LCAT: variants seen among roughly 807,000 people sequenced by gnomAD.
LCAT encodes lecithin-cholesterol acyltransferase.
A neutral mutation model predicts 41.0 loss-of-function variants in LCAT; 15 were observed. The ratio of observed to expected loss-of-function variants is 0.37; its 90% CI spans 0.24 to 0.56. The LOEUF (loss-of-function observed/expected upper bound fraction) is 0.56, where lower values mean the gene tolerates loss of function less well. LCAT is among the 20% of genes least tolerant of loss of function. The pLI is 0.81. For missense variants in LCAT, 449 were observed against 595.1 expected, an observed-to-expected ratio of 0.75 and a Z score of 2.55; for synonymous variants, 248 against 245.4, an observed-to-expected ratio of 1.01 and a Z score of -0.10.
At position 67,942,161 on chromosome 16, in the gene LCAT, C is replaced by T. The variant is rs747889490; in HGVS notation, c.748+202G>A. 2.2e-6 allele frequency: 3 copies of T among 1,366,774 alleles called. No individual in the cohort carries two copies. The highest frequency in any genetic ancestry group is 3.0e-6 in the Non-Finnish European group (3 of 1,015,476). 84.7% of individuals were successfully genotyped at this position (1,366,774 alleles called of 1,614,324 possible). ...TGTGTTCACTGCCCCTTTGCCATCACTGACACAGACTCTGGAAGGAGCCAC... is the reference window on the plus strand; with the variant it reads ...TGTGTTCACTGCCCCTTTGCCATCATTGACACAGACTCTGGAAGGAGCCAC... On this transcript the variant is annotated intron_variant, in intron 5 of 5. Transcript: ENST00000264005. This position sits in a 1 kb window ranked among gnomAD's most constrained non-coding sequence, Gnocchi z 6.6.
Position 67,940,002 on chromosome 16 carries a change from G to A in LCAT, c.1225C>T (p.Leu409=). The A allele has an allele frequency of 6.2e-7, 1 of 1,613,714 alleles. No individual in the cohort carries two copies. The highest frequency in any genetic ancestry group is 8.5e-7 in the Non-Finnish European group (1 of 1,180,032). Residue 409 remains leucine (L), a synonymous_variant, in exon 6 of 6, where the codon CTG becomes TTG. Transcript: ENST00000264005. The part of the protein sequence containing the change: ...IQHLNMVFSN[L]TLEHINAILL... ...ATGGCATTGATGTGCTCCAGGGTCA[G>A]GTTGCTGAAGACCATGTTGAGATGC...
Position 67,942,787 on chromosome 16 carries a change from C to G in LCAT, c.428-21G>C, listed in dbSNP as rs768345191. On this transcript the variant is annotated intron_variant, in intron 3 of 5. Transcript: ENST00000264005. This position sits in a 1 kb window ranked among gnomAD's most constrained non-coding sequence, Gnocchi z 6.6. ...GTACCCTGTGGGGGGACCAGCAGCA[C>G]CGGGGGCTTGGGCCATGCCTGCTGT... The G allele has an allele frequency of 1.2e-6, 2 of 1,612,816 alleles. No individual in the cohort carries two copies. Among genetic ancestry groups the G allele is most frequent in the Non-Finnish European group, 1.7e-6 (2 of 1,179,780 alleles).
At chr16:67,940,595 G>C (rs1303513102) in intron 5 of LCAT, 117 bp from the exon 6 acceptor site, 2 of 1,501,578 alleles carry the variant, frequency 1.3e-6, no homozygotes, top group Non-Finnish European at 1.8e-6. Context: ...TCTAGACACA[G>C]ACTCTAAGCC....
chr16:67,940,474 G>A lies in LCAT; in HGVS notation c.753C>T (p.Asp251=), dbSNP rs760682057. The change falls in exon 6 of 6, where the codon GAC becomes GAT. Residue 251 remains aspartate (D), a synonymous_variant. Coordinates refer to ENST00000264005, the MANE Select transcript of LCAT (RefSeq NM_000229.2). The stretch of plus-strand genomic sequence containing the variant: ...TGGACATGATGGGGATGCCCTGGTT[G>A]TCACCTGTGGATATGGAGCAAGGTG... The part of the protein sequence containing the change: ...IKPMLVLASG[D]NQGIPIMSSI... 1 of 1,613,914 alleles carries A rather than the reference G, an allele frequency of 6.2e-7. No homozygotes were observed. Among genetic ancestry groups the A allele is most frequent in the African/African-American group, 1.3e-5 (1 of 75,022 alleles).
intron 5 of LCAT, chr16:67,941,686 A>G (rs562966066): frequency 3.3e-4 from 328 of 993,926 alleles, no homozygotes; most frequent in South Asian, 9.8e-4. Flanking sequence ...GAGGCCCAGG[A>G]TGTGTGGGGA....
intron 5 of LCAT, chr16:67,941,658 TGTGTGGGGATG>T: frequency 4.1e-6 from 4 of 980,952 alleles, no homozygotes; most frequent in Non-Finnish European, 4.8e-6. Context: ...AGGACCAGGG[TGTGTGGGGATG>T]GTGGGTGAGG....
rs1356556178 is a variant in LCAT, at chr16:67,942,825, A to G, written c.427+36T>C. The G allele has an allele frequency of 1.2e-6, 2 of 1,612,404 alleles. No individual in the cohort carries two copies. Among genetic ancestry groups the G allele is most frequent in the Middle Eastern group, 1.6e-4 (1 of 6,082 alleles). On this transcript the variant is annotated intron_variant, in intron 3 of 5. Coordinates refer to ENST00000264005, the MANE Select transcript of LCAT (RefSeq NM_000229.2). This position sits in a 1 kb window ranked among gnomAD's most constrained non-coding sequence, Gnocchi z 6.6. Reference sequence around the variant, plus strand: ...CCATGCCTGCTGTGGGCCAGCACCCAGGCCTGGAGCCCCAGCCCTGCCCTC... The same window carrying G: ...CCATGCCTGCTGTGGGCCAGCACCCGGGCCTGGAGCCCCAGCCCTGCCCTC...
In LCAT at chr16:67,943,714, C is replaced by A; in HGVS notation, c.154+234G>T. The A allele has an allele frequency of 1.8e-6, 1 of 565,220 alleles. No homozygotes were observed. Among genetic ancestry groups the A allele is most frequent in the Non-Finnish European group, 3.1e-6 (1 of 319,538 alleles). The allele number at this position is 565,220 out of a possible 1,614,324, so 35.0% of individuals were successfully genotyped here. A position where few individuals can be genotyped will look rare whatever the true frequency, so the allele number is the denominator to read the frequency against. ...TGCCCCAGCCAAGACCTCAGGCACA[C>A]CCCGTCCCCCACTCCGCCCCCCCTG... On this transcript the variant is annotated intron_variant, in intron 1 of 5. Coordinates refer to ENST00000264005, the MANE Select transcript of LCAT (RefSeq NM_000229.2). This position sits in a 1 kb window ranked among gnomAD's most constrained non-coding sequence, Gnocchi z 4.6.
rs139146229 is a variant in LCAT at position 67,942,699 on chromosome 16, G to A, written c.495C>T (p.Ala165=). 249 of 1,612,884 alleles carry A rather than the reference G, an allele frequency of 1.5e-4. 3 individuals carry two copies. The African/African-American group carries it at 2.5e-3, about 16-fold the overall frequency. Residue 165 remains alanine (A), a synonymous_variant, in exon 4 of 6, where the codon GCC becomes GCT. Coordinates refer to ENST00000264005, the MANE Select transcript of LCAT (RefSeq NM_000229.2). This position sits in a 1 kb window ranked among gnomAD's most constrained non-coding sequence, Gnocchi z 6.6. ...NGYVRDETVR[A]APYDWRLEPG... ...GCTCCAGCCGCCAGTCATAGGGGGC[G>A]GCGCGCACAGTCTCGTCCCGCACGT...
chr16:67,940,040 A>C lies in LCAT; in HGVS notation c.1187T>G (p.Leu396Arg). 1.2e-6 allele frequency: 2 copies of C among 1,613,518 alleles called. No individual in the cohort carries two copies. Among genetic ancestry groups the C allele is most frequent in the Non-Finnish European group, 1.7e-6 (2 of 1,180,026 alleles). Residue 396 changes from leucine to arginine, a missense_variant, in exon 6 of 6, where the codon CTG becomes CGG. Leu to Arg is a moderately radical substitution (Grantham distance 102). Coordinates refer to ENST00000264005, the MANE Select transcript of LCAT (RefSeq NM_000229.2). ...RQPQPVHLLP[L>R]HGIQHLNMVF... is the part of the protein sequence containing the mutation. Reference sequence around the variant, plus strand: ...CATGTTGAGATGCTGTATCCCGTGCAGGGGCAGCAGGTGCACAGGCTGTGG... The same window carrying C: ...CATGTTGAGATGCTGTATCCCGTGCCGGGGCAGCAGGTGCACAGGCTGTGG...
Position 67,943,027 on chromosome 16 carries a change from T to C in LCAT, c.311+29A>G. ...AGCCAGTAGCCAAGGGGCAGCGTGT[T>C]GGGGCTAGGGTGGAGCACATGGCTG... On this transcript the variant is annotated intron_variant, in intron 2 of 5. Transcript: ENST00000264005. This position sits in a 1 kb window ranked among gnomAD's most constrained non-coding sequence, Gnocchi z 4.6. 1 of 1,613,812 alleles carries C rather than the reference T, an allele frequency of 6.2e-7. No homozygotes were observed. Among genetic ancestry groups the C allele is most frequent in the Non-Finnish European group, 8.5e-7 (1 of 1,179,852 alleles).
Position 67,944,090 on chromosome 16 carries a change from G to A in LCAT, c.12C>T (p.Pro4=), listed in dbSNP as rs912256784. 9.7e-6 allele frequency: 15 copies of A among 1,547,676 alleles called. No individual in the cohort carries two copies. Among genetic ancestry groups the A allele is most frequent in the South Asian group, 3.6e-5 (3 of 83,894 alleles). MGP[P]GSPWQWVTLL... ...GCGTCACCCACTGCCATGGGGAGCC[G>A]GGCGGCCCCATTCCAGCCCTGGTGC... The change falls in exon 1 of 6, where the codon CCC becomes CCT. Residue 4 remains proline (P), a synonymous_variant. Transcript: ENST00000264005. This position sits in a 1 kb window ranked among gnomAD's most constrained non-coding sequence, Gnocchi z 6.6.
rs1598204170 is a variant in LCAT, at chr16:67,942,738, C to T, written c.456G>A (p.Leu152=). 2 of 1,612,912 alleles carry T rather than the reference C, an allele frequency of 1.2e-6. No individual in the cohort carries two copies. Among genetic ancestry groups the T allele is most frequent in the East Asian group, 4.5e-5 (2 of 44,878 alleles). The part of the protein sequence containing the change: ...AGYLHTLVQN[L]VNNGYVRDET... The stretch of plus-strand genomic sequence containing the variant: ...CGTCCCGCACGTAGCCATTGTTGAC[C>T]AGGTTCTGCACCAGTGTGTGCAGGT... The change falls in exon 4 of 6, where the codon CTG becomes CTA. Residue 152 remains leucine, a synonymous_variant. Coordinates refer to ENST00000264005, the MANE Select transcript of LCAT (RefSeq NM_000229.2). This position sits in a 1 kb window ranked among gnomAD's most constrained non-coding sequence, Gnocchi z 6.6.
rs777185677 is a variant in LCAT at position 67,942,837 on chromosome 16, C to T, written c.427+24G>A. On this transcript the variant is annotated intron_variant, in intron 3 of 5. Coordinates refer to ENST00000264005, the MANE Select transcript of LCAT (RefSeq NM_000229.2). The surrounding 1 kb of genome is among the most constrained non-coding windows in gnomAD (Gnocchi z 6.6). Reference sequence around the variant, plus strand: ...TGGGCCAGCACCCAGGCCTGGAGCCCCAGCCCTGCCCTCTGACACAAACCT... The same window carrying T: ...TGGGCCAGCACCCAGGCCTGGAGCCTCAGCCCTGCCCTCTGACACAAACCT... 2.5e-6 allele frequency: 4 copies of T among 1,613,140 alleles called. No homozygotes were observed. Among genetic ancestry groups the T allele is most frequent in the Middle Eastern group, 1.7e-4 (1 of 6,060 alleles).
intron 5 of LCAT, chr16:67,941,862 G>A: frequency 7.4e-6 from 8 of 1,083,716 alleles, no homozygotes; most frequent in Non-Finnish European, 9.0e-6. Flanking sequence ...CTCTTGTCCA[G>A]ACTGTGTTTC....
Position 67,942,692 on chromosome 16 carries a change from A to AGG in LCAT, c.500_501dup (p.Tyr168ProfsTer97). The AGG allele has an allele frequency of 6.2e-7, 1 of 1,612,862 alleles. No homozygotes were observed. ...TCACCGGGCTCCAGCCGCCAGTCAT[A>AGG]GGGGGCGGCGCGCACAGTCTCGTCC... On this transcript the variant is annotated frameshift_variant, in exon 4 of 6. Coordinates refer to ENST00000264005, the MANE Select transcript of LCAT (RefSeq NM_000229.2). LOFTEE classifies it high-confidence loss of function. This position sits in a 1 kb window ranked among gnomAD's most constrained non-coding sequence, Gnocchi z 6.6.
Position 67,943,936 on chromosome 16 carries a change from G to A in LCAT, c.154+12C>T. The A allele has an allele frequency of 6.5e-7, 1 of 1,543,134 alleles. No homozygotes were observed. The highest frequency in any genetic ancestry group is 8.8e-7 in the Non-Finnish European group (1 of 1,142,498). Reference sequence around the variant, plus strand: ...TCTGGCGTGGTGCATCAGGGGCCTGGTGGGGGCTTACCGAGGATGACGGGC... The same window carrying A: ...TCTGGCGTGGTGCATCAGGGGCCTGATGGGGGCTTACCGAGGATGACGGGC... On this transcript the variant is annotated intron_variant, in intron 1 of 5. Transcript: ENST00000264005. The surrounding 1 kb of genome is among the most constrained non-coding windows in gnomAD (Gnocchi z 4.6).
chr16:67,939,900 G>T lies in LCAT; in HGVS notation c.*4C>A, dbSNP rs759216171. On this transcript the variant is annotated 3_prime_UTR_variant, in exon 6 of 6. Transcript: ENST00000264005. ...TCAGGGCTTACGGTAGCAAAGGAAG[G>T]TCTTTATTCAGGAGGCGGGGGCTCT... is the stretch of plus-strand genomic sequence containing the variant. The T allele has an allele frequency of 6.6e-5, 106 of 1,611,342 alleles. 1 individual carries two copies. The highest frequency in any genetic ancestry group is 8.4e-5 in the Non-Finnish European group (99 of 1,178,614).
At position 67,940,399 on chromosome 16, in the gene LCAT, C is replaced by T. The variant is rs751222702; in HGVS notation, c.828G>A (p.Met276Ile). ...CAGGCCACGCCATGCGAGAGGGAAA[C>T]ATCCAGGGGGAGGTGGTGGTTATGC... Reference protein sequence around the residue: ...EQRITTTSPWMFPSRMAWPED... With the variant: ...EQRITTTSPWIFPSRMAWPED... Residue 276 changes from methionine (M) to isoleucine (I), a missense_variant, in exon 6 of 6, where the codon ATG becomes ATA. Transcript: ENST00000264005. The T allele has an allele frequency of 6.2e-7, 1 of 1,614,146 alleles. No homozygotes were observed. Among genetic ancestry groups the T allele is most frequent in the South Asian group, 1.1e-5 (1 of 91,074 alleles).
Sources: allele counts gnomAD v4.1 joint callset, GRCh38; gene constraint gnomAD v4.1.1; non-coding constraint Gnocchi (gnomAD v3.1); transcripts MANE v1.5; gene names NCBI Gene and HGNC (gene_info 2026-07-23, HGNC 2026-07-21).